The following TTLL7 variants were observed in gnomAD, a reference collection of about 807,000 sequenced individuals.
TTLL7 encodes the protein tubulin tyrosine ligase like 7.
TTLL7 carries 53 observed loss-of-function variants against 120.2 expected under a neutral mutation model. The observed-to-expected ratio is 0.44, with a 90% confidence interval of 0.35 to 0.55. The LOEUF (loss-of-function observed/expected upper bound fraction) is 0.55. Among genes scored for constraint, TTLL7 ranks in the 20% least tolerant of loss-of-function variants. TTLL7 has a pLI of 0.00. For missense variants in TTLL7, 803 were observed against 1,054.7 expected (o/e 0.76, Z 3.31); for synonymous variants, 353 against 351.7 (o/e 1.00, Z -0.04).
chr1:83,935,053 G>A (rs908279184), intron 8 of TTLL7, among the ~76,000 whole-genome samples: 15 of 152,042 alleles, frequency 9.9e-5, no homozygotes, highest in African/African-American at 3.6e-4. Flanking sequence ...TAACCTCACT[G>A]TTACCCAGAA....
intron 9 of TTLL7, among the ~76,000 whole-genome samples, chr1:83,931,229 AATT>A (rs1306416509): frequency 6.6e-6 from 1 of 152,048 alleles, no homozygotes; most frequent in African/African-American, 2.4e-5. Flanking sequence ...AAGAAATGAA[AATT>A]ATTATAAAAT....
chr1:83,946,030 C>T (rs991025031), intron 6 of TTLL7: 1 of 152,030 alleles, frequency 6.6e-6, no homozygotes, highest in Non-Finnish European at 1.5e-5. Context: ...TATCTTTTTT[C>T]CTATAGCATT....
chr1:83,873,982 A>G (rs1571008039), intron 20 of TTLL7, among the ~76,000 whole-genome samples: 1 of 152,216 alleles, frequency 6.6e-6, no homozygotes, highest in Non-Finnish European at 1.5e-5. Flanking sequence ...ACATAACATG[A>G]GTGTACTATT....
chr1:83,953,105 T>C (rs1355602615), intron 1 of TTLL7, among the ~76,000 whole-genome samples: 1 of 152,218 alleles, frequency 6.6e-6, no homozygotes, highest in African/African-American at 2.4e-5. Context: ...GTCATTATTA[T>C]GATGATTTTA....
In TTLL7 at chr1:83,902,534, T is replaced by C. The variant is rs1247638874; in HGVS notation, c.2208+1545A>G. Among the ~76,000 whole-genome samples the C allele has an allele frequency of 3.9e-5, 6 of 151,998 alleles. No individual in the cohort carries two copies. In the East Asian group the frequency reaches 5.8e-4, roughly 15 times the overall value. On this transcript the variant is annotated intron_variant, in intron 18 of 20. Transcript: ENST00000260505. ...ATATGTGACACAATTGATTACTCTGTCCTTAAAATAATTTCTTTTCTTGGC... is the reference window on the plus strand; with the variant it reads ...ATATGTGACACAATTGATTACTCTGCCCTTAAAATAATTTCTTTTCTTGGC...
chr1:83,988,950 C>T (rs926025119), intron 1 of TTLL7, among the ~76,000 whole-genome samples: 4 of 152,068 alleles, frequency 2.6e-5, no homozygotes, highest in South Asian at 2.1e-4. Flanking sequence ...CTTTGTGATC[C>T]GCCCTCCTCG....
At chr1:83,972,875 T>C (rs769799565) in intron 1 of TTLL7, among the ~76,000 whole-genome samples, 9 of 152,210 alleles carry the variant, frequency 5.9e-5, no homozygotes, top group Non-Finnish European at 8.8e-5. Flanking sequence ...ATATCTTCTT[T>C]AGTGAGATAT....
Position 83,911,282 on chromosome 1 carries a change from T to A in TTLL7, c.1669A>T (p.Ser557Cys). 6.2e-7 allele frequency: 1 copy of A among 1,613,754 alleles called. No individual in the cohort carries two copies. Among genetic ancestry groups the A allele is most frequent in the Non-Finnish European group, 8.5e-7 (1 of 1,179,762 alleles). Residue 557 changes from serine (S) to cysteine (C), a missense_variant, in exon 15 of 21, where the codon AGC becomes TGC. Transcript: ENST00000260505. ...TTTTCGTCAGATTCTGAAGAGCTGC[T>A]GCTACTATCATAACTGCTGTCACTG... is the stretch of plus-strand genomic sequence containing the variant. ...CSSDSSYDSS[S>C]SSSESDENEK...
chr1:83,966,536 T>C (rs750670911), intron 1 of TTLL7, among the ~76,000 whole-genome samples: 15 of 152,080 alleles, frequency 9.9e-5, no homozygotes, highest in Non-Finnish European at 7.4e-5. Flanking sequence ...GAGGAAATGA[T>C]ATACCAACCT....
intron 1 of TTLL7, among the ~76,000 whole-genome samples, chr1:83,996,030 A>C (rs944895830): frequency 6.6e-6 from 1 of 152,198 alleles, no homozygotes; most frequent in Non-Finnish European, 1.5e-5. Context: ...TATAAAAGTA[A>C]TATAGATACC....
intron 19 of TTLL7, among the ~76,000 whole-genome samples, chr1:83,887,714 A>C (rs913483948): frequency 7.2e-5 from 11 of 152,074 alleles, no homozygotes; most frequent in Non-Finnish European, 1.2e-4. Flanking sequence ...ATGTCAATGA[A>C]GCAAAGAGTT....
chr1:83,883,092 G>C lies in TTLL7; in HGVS notation c.2414C>G (p.Thr805Ser). 6.2e-7 allele frequency: 1 copy of C among 1,611,546 alleles called. No individual in the cohort carries two copies. The highest frequency in any genetic ancestry group is 8.5e-7 in the Non-Finnish European group (1 of 1,178,652). The part of the protein sequence containing the change: ...SIFNKSPEVV[T>S]PLQLQCCQRL... The stretch of plus-strand genomic sequence containing the variant: ...CTGGCAACACTGGAGCTGCAAAGGA[G>C]TCACCACCTCCGGGCTTTTATTGAA... The change falls in exon 20 of 21, where the codon ACT (threonine) becomes AGT (serine). Residue 805 changes from threonine (T) to serine (S), a missense_variant. Thr to Ser is a moderately conservative substitution (Grantham distance 58). Transcript: ENST00000260505.
chr1:83,960,712 G>A (rs769982820), intron 1 of TTLL7, among the ~76,000 whole-genome samples: 7 of 151,990 alleles, frequency 4.6e-5, no homozygotes, highest in East Asian at 1.9e-4. Flanking sequence ...AAACACAAAG[G>A]TCCCTTCCAA....
intron 19 of TTLL7, among the ~76,000 whole-genome samples, chr1:83,886,765 T>C (rs948411488): frequency 1.7e-5 from 2 of 118,276 alleles, no homozygotes; most frequent in African/African-American, 5.2e-5. Flanking sequence ...CTGGCTCCTC[T>C]CTTGGCTTTA....
At chr1:83,955,695 G>A (rs1055724658) in intron 1 of TTLL7, among the ~76,000 whole-genome samples, 4 of 152,036 alleles carry the variant, frequency 2.6e-5, no homozygotes, top group East Asian at 1.9e-4. Flanking sequence ...CAGCACACAC[G>A]GGCTAAGACA....
intron 1 of TTLL7, among the ~76,000 whole-genome samples, chr1:83,990,471 G>A (rs577859012): frequency 1.1e-4 from 17 of 152,296 alleles, no homozygotes; most frequent in Non-Finnish European, 5.9e-5. Flanking sequence ...CACCGCGCCC[G>A]GCCTGGATGC....
At chr1:83,924,299 T>C (rs998434808) in intron 10 of TTLL7, among the ~76,000 whole-genome samples, 3 of 152,168 alleles carry the variant, frequency 2.0e-5, no homozygotes, top group South Asian at 2.1e-4. Context: ...AGGCTTCAAA[T>C]AGAATGTCAA....
At chr1:83,989,815 GT>G (rs1320700035) in intron 1 of TTLL7, among the ~76,000 whole-genome samples, 1 of 152,096 alleles carries the variant, frequency 6.6e-6, no homozygotes, top group African/African-American at 2.4e-5. Context: ...AGCATGGAAT[GT>G]TTTTTTCGTA....
intron 19 of TTLL7, among the ~76,000 whole-genome samples, chr1:83,887,969 T>C (rs1463660101): frequency 6.6e-6 from 1 of 152,030 alleles, no homozygotes; most frequent in Admixed American, 6.6e-5. Flanking sequence ...CTAGTACTAA[T>C]AGATACCACC....
Sources: allele counts gnomAD v4.1 joint callset (sites outside exome capture counted in the v4.1 genomes callset), GRCh38; gene constraint gnomAD v4.1.1; transcripts MANE v1.5; gene names NCBI Gene and HGNC (gene_info 2026-07-23, HGNC 2026-07-21).